AGBL1: variants seen among roughly 807,000 people sequenced by gnomAD.
AGBL1 encodes cytosolic carboxypeptidase 4.
Under a neutral mutation model 118.9 loss-of-function variants are expected in AGBL1, and 130 were observed. The ratio of observed to expected loss-of-function variants is 1.09; its 90% confidence interval spans 0.95 to 1.26. The LOEUF (loss-of-function observed/expected upper bound fraction) is 1.26. Among genes scored for constraint, AGBL1 ranks in the 50% most tolerant of loss-of-function variants. AGBL1 has a pLI of 0.00. For synonymous variants in AGBL1, 555 were observed against 478.9 expected (o/e 1.16, Z -2.08); for missense variants, 1,584 against 1,298.1 (o/e 1.22, Z -3.38).
chr15:86,629,617 C>T lies in AGBL1; in HGVS notation c.2995-44656C>T, dbSNP rs575596191. Among the ~76,000 whole-genome samples the T allele has an allele frequency of 5.3e-5, 8 of 152,348 alleles. No individual in the cohort carries two copies. In the East Asian group the frequency reaches 1.5e-3, roughly 29 times the overall value. ...GATGAGGTTGCAGCTAGATAACCAT[C>T]AGCTTCGTCCAAGGTACAAAGGTTT... On this transcript the variant is annotated intron_variant, in intron 21 of 22. Coordinates refer to ENST00000614907, the MANE Select transcript of AGBL1 (RefSeq NM_001386094.1).
At chr15:86,377,482 C>T (rs2081055987) in intron 17 of AGBL1, among the ~76,000 whole-genome samples, 1 of 152,202 alleles carries the variant, frequency 6.6e-6, no homozygotes, top group East Asian at 1.9e-4. Flanking sequence ...ATAACAGTAT[C>T]AGACTCCTAA....
chr15:86,572,280 C>T (rs537630852), intron 21 of AGBL1, among the ~76,000 whole-genome samples: 4 of 152,184 alleles, frequency 2.6e-5, no homozygotes, highest in Admixed American at 1.3e-4. Flanking sequence ...GGAGCTCCCG[C>T]TCTGCCAAAT....
At chr15:86,391,455 G>A (rs1323689796) in intron 17 of AGBL1, among the ~76,000 whole-genome samples, 1 of 149,940 alleles carries the variant, frequency 6.7e-6, no homozygotes, top group Non-Finnish European at 1.5e-5. Context: ...TTCCTCTCCT[G>A]TTTTCCTTCT....
chr15:86,941,021 A>C (rs969431777), intron 23 of AGBL1, among the ~76,000 whole-genome samples: 27 of 152,208 alleles, frequency 1.8e-4, no homozygotes, highest in Admixed American at 1.8e-3. Flanking sequence ...TAGATCTTTA[A>C]ATGTAATTCT....
At chr15:86,452,431 C>T (rs957259714) in intron 18 of AGBL1, among the ~76,000 whole-genome samples, 1 of 152,176 alleles carries the variant, frequency 6.6e-6, no homozygotes, top group African/African-American at 2.4e-5. Flanking sequence ...CCTTATGACA[C>T]TGTAATGTAA....
chr15:86,337,440 G>C (rs966957939), intron 17 of AGBL1, among the ~76,000 whole-genome samples: 1 of 152,116 alleles, frequency 6.6e-6, no homozygotes, highest in East Asian at 1.9e-4. Context: ...CAATAGCAAA[G>C]GCATGGAATC....
At chr15:86,616,339 C>CAAAAAAAAAAA (rs199936794) in intron 21 of AGBL1, among the ~76,000 whole-genome samples, 26 of 49,276 alleles carry the variant, frequency 5.3e-4, no homozygotes, top group African/African-American at 1.8e-3. Context: ...TCCTCCACTT[C>CAAAAAAAAAAA]AAAAAAAAAA....
At chr15:86,592,305 A>T (rs189841268) in intron 21 of AGBL1, among the ~76,000 whole-genome samples, 1 of 152,252 alleles carries the variant, frequency 6.6e-6, no homozygotes, top group Non-Finnish European at 1.5e-5. Context: ...TCAGAAAAAA[A>T]CGAATTCAGC....
intron 21 of AGBL1, among the ~76,000 whole-genome samples, chr15:86,662,612 G>C (rs4441241): frequency 0.23 from 35,659 of 152,136 alleles, 5,118 homozygotes; most frequent in East Asian, 0.43. Context: ...GAGGGAGCTT[G>C]TACTCACTAT....
At chr15:86,807,665 C>A (rs2078737050) in intron 22 of AGBL1, among the ~76,000 whole-genome samples, 1 of 152,122 alleles carries the variant, frequency 6.6e-6, no homozygotes, top group South Asian at 2.1e-4. Flanking sequence ...GACCAGCTGG[C>A]CCAGTTTCCT....
chr15:86,970,631 A>T (rs191755292), intron 23 of AGBL1, among the ~76,000 whole-genome samples: 81 of 152,078 alleles, frequency 5.3e-4, no homozygotes, highest in Admixed American at 2.7e-3. Context: ...TGATTTGATA[A>T]TGCAGAAGCA....
rs376685332 is a variant in AGBL1 at position 86,730,612 on chromosome 15, T to C, written c.3158+56176T>C. Among the ~76,000 whole-genome samples, 4 of 152,204 alleles carry C rather than the reference T, an allele frequency of 2.6e-5. No homozygotes were observed. In the East Asian group the frequency reaches 5.8e-4, roughly 22 times the overall value. On this transcript the variant is annotated intron_variant, in intron 22 of 22. Coordinates refer to ENST00000614907, the MANE Select transcript of AGBL1 (RefSeq NM_001386094.1). Reference sequence around the variant, plus strand: ...GTGCATGGGCTGCCATTTGCTTTCCTGGTAGCCTTGACTATGTGTCCCCAT... The same window carrying C: ...GTGCATGGGCTGCCATTTGCTTTCCCGGTAGCCTTGACTATGTGTCCCCAT...
intron 17 of AGBL1, among the ~76,000 whole-genome samples, chr15:86,330,066 G>T (rs1250741329): frequency 6.6e-6 from 1 of 152,194 alleles, no homozygotes; most frequent in Non-Finnish European, 1.5e-5. Flanking sequence ...ACTGATGCTT[G>T]TGCCTACCAT....
intron 22 of AGBL1, among the ~76,000 whole-genome samples, chr15:86,799,867 T>G (rs763814192): frequency 6.6e-6 from 1 of 152,130 alleles, no homozygotes; most frequent in Non-Finnish European, 1.5e-5. Context: ...GTTCAAAGAT[T>G]AATTACCATG....
At chr15:86,158,776 T>C (rs1275408829) in intron 4 of AGBL1, among the ~76,000 whole-genome samples, 157 bp from the exon 5 acceptor site, 1 of 112,952 alleles carries the variant, frequency 8.9e-6, no homozygotes, top group Non-Finnish European at 1.8e-5. Context: ...GACCCGAGAA[T>C]GACATTATAG....
chr15:86,676,501 A>G (rs2142555960), intron 22 of AGBL1, among the ~76,000 whole-genome samples: 1 of 152,298 alleles, frequency 6.6e-6, no homozygotes, highest in Admixed American at 6.5e-5. Flanking sequence ...CTTTTTGAGA[A>G]CCATTTGATT....
chr15:86,518,016 T>C (rs1225225065), intron 18 of AGBL1, among the ~76,000 whole-genome samples: 2 of 152,226 alleles, frequency 1.3e-5, no homozygotes, highest in Non-Finnish European at 1.5e-5. Flanking sequence ...GCTGCCTCTC[T>C]TTAGGCTCCA....
intron 10 of AGBL1, among the ~76,000 whole-genome samples, chr15:86,263,440 C>T (rs4887217): frequency 6.6e-6 from 1 of 152,148 alleles, no homozygotes; most frequent in African/African-American, 2.4e-5. Flanking sequence ...TTTCTCAGAG[C>T]ATTCCCCATT....
At chr15:86,830,358 A>G (rs1287237286) in intron 22 of AGBL1, among the ~76,000 whole-genome samples, 3 of 151,986 alleles carry the variant, frequency 2.0e-5, no homozygotes, top group African/African-American at 7.2e-5. Context: ...CTGTTTTTGA[A>G]CCTTATTTTT....
Sources: allele counts gnomAD v4.1 joint callset (sites outside exome capture counted in the v4.1 genomes callset), GRCh38; gene constraint gnomAD v4.1.1; transcripts MANE v1.5; gene names NCBI Gene and HGNC (gene_info 2026-07-23, HGNC 2026-07-21).